The following IPCEF1 variants were observed in gnomAD, a reference collection of about 807,000 sequenced individuals.
IPCEF1 encodes the protein interaction protein for cytohesin exchange factors 1, also known as interactor protein for cytohesin exchange factors 1.
IPCEF1 carries 31 observed loss-of-function variants against 50.9 expected under a neutral mutation model. The ratio of observed to expected loss-of-function variants is 0.61; its 90% CI spans 0.46 to 0.82. IPCEF1 has a LOEUF of 0.82. Ranked by LOEUF, IPCEF1 falls within the 40% of genes least tolerant of loss-of-function variation. The probability of loss-of-function intolerance (pLI) is 0.00; values close to 1 mark genes in which losing one functional copy is unlikely to be tolerated. For missense variants in IPCEF1, 458 were observed against 514.0 expected, an observed-to-expected ratio of 0.89 and a Z score of 1.05; for synonymous variants, 181 against 192.0, an observed-to-expected ratio of 0.94 and a Z score of 0.47.
intron 10 of IPCEF1, among the ~76,000 whole-genome samples, chr6:154,180,099 T>C (rs1800704184): frequency 1.3e-5 from 2 of 152,140 alleles, no homozygotes; most frequent in South Asian, 4.1e-4. Context: ...CAGCACTCTG[T>C]ATTATCTCTT....
chr6:154,172,726 G>T (rs1019010010), intron 10 of IPCEF1, among the ~76,000 whole-genome samples: 5 of 152,246 alleles, frequency 3.3e-5, no homozygotes, highest in African/African-American at 1.2e-4. Context: ...ACCTCTGGGG[G>T]CAGGGCATAT....
chr6:154,342,825 CT>C (rs1279201969), intron 1 of IPCEF1, among the ~76,000 whole-genome samples: 1 of 152,160 alleles, frequency 6.6e-6, no homozygotes, highest in Non-Finnish European at 1.5e-5. Context: ...AGAAAAACAG[CT>C]GCAAGGCTGA....
chr6:154,300,278 AT>A (rs1165035429), intron 1 of IPCEF1, among the ~76,000 whole-genome samples: 1 of 142,690 alleles, frequency 7.0e-6, no homozygotes, highest in Non-Finnish European at 1.6e-5. Context: ...ATTTGTTTAA[AT>A]GTAGGTATTG....
chr6:154,224,054 A>G (rs2128619162), intron 5 of IPCEF1, among the ~76,000 whole-genome samples: 1 of 152,358 alleles, frequency 6.6e-6, no homozygotes, highest in South Asian at 2.1e-4. Flanking sequence ...ACAAAGCTAG[A>G]TTGTTCGTCA....
intron 2 of IPCEF1, among the ~76,000 whole-genome samples, chr6:154,288,670 A>AC (rs200080550): frequency 7.6e-5 from 1 of 13,122 alleles, no homozygotes; most frequent in South Asian, 5.3e-3. Flanking sequence ...TAAAAAACAA[A>AC]AAAAACAAAA....
chr6:154,307,946 C>A (rs7739525), intron 1 of IPCEF1, among the ~76,000 whole-genome samples: 26,809 of 152,144 alleles, frequency 0.18, 2,814 homozygotes, highest in East Asian at 0.39. Context: ...GCAAACAGAA[C>A]ACTTCCCAGG....
chr6:154,218,177 T>C (rs1266141836), intron 7 of IPCEF1, among the ~76,000 whole-genome samples: 1 of 152,178 alleles, frequency 6.6e-6, no homozygotes, highest in Non-Finnish European at 1.5e-5. Context: ...TAAAAGAAAA[T>C]GACAGATGTT....
At chr6:154,284,364 C>T (rs928491889) in intron 2 of IPCEF1, among the ~76,000 whole-genome samples, 1 of 152,222 alleles carries the variant, frequency 6.6e-6, no homozygotes, top group Non-Finnish European at 1.5e-5. Context: ...CTTTGCAGCA[C>T]ATACCATCAG....
chr6:154,349,101 A>C (rs1246001164), intron 1 of IPCEF1, among the ~76,000 whole-genome samples: 1 of 152,108 alleles, frequency 6.6e-6, no homozygotes, highest in Non-Finnish European at 1.5e-5. Flanking sequence ...TTAGGAGTGA[A>C]TAATGTTAAA....
intron 1 of IPCEF1, among the ~76,000 whole-genome samples, chr6:154,311,498 A>G (rs1783076762): frequency 6.6e-6 from 1 of 152,238 alleles, no homozygotes; most frequent in East Asian, 1.9e-4. Context: ...CCAGAGCTAT[A>G]CTTCCAGTTG....
chr6:154,314,616 A>C (rs1428640660), intron 1 of IPCEF1, among the ~76,000 whole-genome samples: 1 of 152,166 alleles, frequency 6.6e-6, no homozygotes, highest in African/African-American at 2.4e-5. Flanking sequence ...AACTCAGAAC[A>C]GTATTAATTA....
At chr6:154,189,768 A>C (rs1801700759) in intron 10 of IPCEF1, among the ~76,000 whole-genome samples, 2 of 152,072 alleles carry the variant, frequency 1.3e-5, no homozygotes, top group African/African-American at 4.8e-5. Context: ...CAGGAGTTTG[A>C]GTCCAGCCTG....
chr6:154,279,630 C>T (rs1782158036), intron 2 of IPCEF1, among the ~76,000 whole-genome samples: 1 of 152,208 alleles, frequency 6.6e-6, no homozygotes, highest in Admixed American at 6.5e-5. Context: ...GTCATTTCCC[C>T]CACTGGTTCT....
chr6:154,334,214 G>A lies in IPCEF1; in HGVS notation c.-62+22458C>T, dbSNP rs143572860. On this transcript the variant is annotated intron_variant, in intron 1 of 11. Transcript: ENST00000367220. ...TGTTAGTAACTCATAACAATTTAAA[G>A]ACCTTCTCTTTTCAAACATATGCTC... 3.3e-4 allele frequency among the ~76,000 whole-genome samples: 51 copies of A among 152,254 alleles called. No homozygotes were observed. In the East Asian group the frequency reaches 9.7e-3, roughly 29 times the overall value.
intron 7 of IPCEF1, chr6:154,219,298 C>CT (rs71556298): frequency 0.029 from 4,423 of 152,342 alleles, 98 homozygotes; most frequent in Non-Finnish European, 0.043. Flanking sequence ...CTCTGCTACT[C>CT]TGTCTCACTC....
intron 2 of IPCEF1, among the ~76,000 whole-genome samples, chr6:154,279,130 A>T (rs897630798): frequency 1.4e-4 from 21 of 151,496 alleles, no homozygotes; most frequent in Middle Eastern, 3.4e-3. Flanking sequence ...CTCAAAATAA[A>T]AAAAAAAAAA....
intron 1 of IPCEF1, among the ~76,000 whole-genome samples, chr6:154,298,856 G>C (rs1562584683): frequency 6.6e-6 from 1 of 151,714 alleles, no homozygotes; most frequent in East Asian, 1.9e-4. Flanking sequence ...CAAGTACTTG[G>C]GAAGCTGAGG....
In IPCEF1 at chr6:154,317,548, CAAAAAAAAAAAAA is replaced by C. The variant is rs71021041; in HGVS notation, c.-61-27805_-61-27793del. ...TGGGCGACAGTGAGAGACTCCATCT[CAAAAAAAAAAAAA>C]AAAAAAAAAAAAAAGCAAATGACTC... On this transcript the variant is annotated intron_variant, in intron 1 of 11. Coordinates refer to ENST00000367220, the MANE Select transcript of IPCEF1 (RefSeq NM_001130700.2). 7.0e-3 allele frequency among the ~76,000 whole-genome samples: 115 copies of C among 16,320 alleles called. 1 individual carries two copies. The highest frequency in any genetic ancestry group is 0.028 in the African/African-American group (94 of 3,326). The allele number at this position is 16,320 out of a possible 152,430, so 10.7% of individuals were successfully genotyped here. A position where few individuals can be genotyped will look rare whatever the true frequency, so the allele number is the denominator to read the frequency against.
At chr6:154,183,003 G>A (rs1051285274) in intron 10 of IPCEF1, among the ~76,000 whole-genome samples, 2 of 150,564 alleles carry the variant, frequency 1.3e-5, no homozygotes, top group Non-Finnish European at 3.0e-5. Flanking sequence ...TTTTTGAGAC[G>A]GACTCTCGCT....
Sources: allele counts gnomAD v4.1 joint callset (sites outside exome capture counted in the v4.1 genomes callset), GRCh38; gene constraint gnomAD v4.1.1; transcripts MANE v1.5; gene names NCBI Gene and HGNC (gene_info 2026-07-23, HGNC 2026-07-21).